The following FAIM2 variants were observed in gnomAD, a reference collection of about 807,000 sequenced individuals.
FAIM2 encodes the protein Fas apoptotic inhibitory molecule 2.
A neutral mutation model predicts 47.4 loss-of-function variants in FAIM2; 27 were observed. The observed-to-expected ratio is 0.57, with a 90% CI of 0.42 to 0.78. The LOEUF (loss-of-function observed/expected upper bound fraction) is 0.78, where lower values mean the gene tolerates loss of function less well. Ranked by LOEUF, FAIM2 falls within the 30% of genes least tolerant of loss-of-function variation. The pLI is 0.00. For synonymous variants in FAIM2, 156 were observed against 159.3 expected, an observed-to-expected ratio of 0.98 and a Z score of 0.16; for missense variants, 311 against 389.4, an observed-to-expected ratio of 0.80 and a Z score of 1.69.
At position 49,901,155 on chromosome 12, in the gene FAIM2, G is replaced by T; in HGVS notation, c.186C>A (p.His62Gln). The T allele has an allele frequency of 6.2e-7, 1 of 1,605,576 alleles. No individual in the cohort carries two copies. Among genetic ancestry groups the T allele is most frequent in the Non-Finnish European group, 8.5e-7 (1 of 1,176,706 alleles). ...FPPAPTAVPL[H>Q]PSWAYVDPSS... is the part of the protein sequence containing the mutation. Reference sequence around the variant, plus strand: ...TGGGGTCCACATAGGCCCAGCTAGGGTGGAGAGGCACCGCTGTGGGGGCTG... The same window carrying T: ...TGGGGTCCACATAGGCCCAGCTAGGTTGGAGAGGCACCGCTGTGGGGGCTG... The change falls in exon 2 of 12, where the codon CAC (histidine) becomes CAA (glutamine). Residue 62 changes from histidine to glutamine, a missense_variant. Transcript: ENST00000320634.
intron 8 of FAIM2, among the ~76,000 whole-genome samples, 184 bp from the exon 9 acceptor site, chr12:49,889,752 C>T (rs77687604): frequency 6.6e-6 from 1 of 152,162 alleles, no homozygotes; most frequent in Non-Finnish European, 1.5e-5. Flanking sequence ...CCCCTCCCAA[C>T]AGGCTTAGAC....
intron 11 of FAIM2, among the ~76,000 whole-genome samples, chr12:49,881,589 C>T (rs912683752): frequency 1.3e-5 from 2 of 152,108 alleles, no homozygotes; most frequent in African/African-American, 4.8e-5. Flanking sequence ...TGCCCCATCA[C>T]GCCAGCCCCG....
chr12:49,880,374 ATGTGTGTCTATGTGTGCATGTGAG>A lies in FAIM2; in HGVS notation c.801+6988_801+7011del, dbSNP rs1478512410. Among the ~76,000 whole-genome samples the A allele has an allele frequency of 1.6e-4, 23 of 144,284 alleles. No homozygotes were observed. The East Asian group carries it at 4.8e-3, about 30-fold the overall frequency. 94.7% of individuals were successfully genotyped at this position (144,284 alleles called of 152,430 possible). ...TGCATGTATGTATATGTGCATGTGT[ATGTGTGTCTATGTGTGCATGTGAG>A]TGTATGTATGTGCATGTGTATATGT... On this transcript the variant is annotated intron_variant, in intron 11 of 11. Transcript: ENST00000320634.
intron 10 of FAIM2, 106 bp downstream of exon 10, chr12:49,889,001 G>A: frequency 7.5e-6 from 6 of 802,452 alleles, no homozygotes; most frequent in Non-Finnish European, 1.3e-5. Context: ...CAGGCTGTGG[G>A]GCCTTGGCTC....
chr12:49,901,558 A>G, intron 1 of FAIM2: 1 of 428,904 alleles, frequency 2.3e-6, no homozygotes, highest in Non-Finnish European at 4.1e-6. Context: ...CAGAGGAAAG[A>G]GAAAATTCTT....
intron 11 of FAIM2, among the ~76,000 whole-genome samples, chr12:49,881,990 C>T (rs376246594): frequency 3.9e-5 from 6 of 152,336 alleles, no homozygotes; most frequent in African/African-American, 1.2e-4. Flanking sequence ...ATCGGATTCT[C>T]GAAGCTGGAT....
At chr12:49,890,247 G>C (rs561834005) in intron 7 of FAIM2, 93 bp from the exon 8 acceptor site, 1 of 1,150,016 alleles carries the variant, frequency 8.7e-7, no homozygotes, top group African/African-American at 1.5e-5. Flanking sequence ...ACCCCTTGCA[G>C]GTACCCCTCA....
chr12:49,878,331 T>A (rs1946757871), intron 11 of FAIM2, among the ~76,000 whole-genome samples: 1 of 136,564 alleles, frequency 7.3e-6, no homozygotes. Flanking sequence ...TGTATTTGTG[T>A]GCATGTGAGT....
chr12:49,885,089 C>T (rs576860195), intron 11 of FAIM2, among the ~76,000 whole-genome samples: 2 of 152,236 alleles, frequency 1.3e-5, no homozygotes, highest in Admixed American at 1.3e-4. Flanking sequence ...GGTGGAGATG[C>T]GGGGAGGTAA....
chr12:49,870,432 A>G lies in FAIM2; in HGVS notation c.*72T>C, dbSNP rs1460595184. The G allele has an allele frequency of 1.4e-6, 2 of 1,405,314 alleles. No individual in the cohort carries two copies. Among genetic ancestry groups the G allele is most frequent in the Non-Finnish European group, 2.0e-6 (2 of 1,005,524 alleles). The allele number at this position is 1,405,314 out of a possible 1,614,324, so 87.1% of individuals were successfully genotyped here. On this transcript the variant is annotated 3_prime_UTR_variant, in exon 12 of 12. Coordinates refer to ENST00000320634, the MANE Select transcript of FAIM2 (RefSeq NM_012306.4). ...CAGCTAGTTTTATATCTGGTCTCGC[A>G]GGAGCGCAGGGGAGGGACAGGGAAC...
intron 3 of FAIM2, 124 bp from the exon 4 acceptor site, chr12:49,897,707 T>C (rs1946948253): frequency 2.8e-6 from 2 of 726,970 alleles, no homozygotes; most frequent in Non-Finnish European, 4.7e-6. Context: ...TTGGGGGTCA[T>C]TGGAGTGAAC....
chr12:49,903,159 T>C (rs1592797114), intron 1 of FAIM2, among the ~76,000 whole-genome samples: 1 of 152,168 alleles, frequency 6.6e-6, no homozygotes, highest in East Asian at 1.9e-4. Context: ...TCCCCTACAA[T>C]TCAGGCCTAA....
At chr12:49,883,300 C>T (rs1012452683) in intron 11 of FAIM2, among the ~76,000 whole-genome samples, 7 of 151,860 alleles carry the variant, frequency 4.6e-5, no homozygotes, top group Admixed American at 6.6e-5. Context: ...AGGCTGGAGG[C>T]GACGGGGGCT....
chr12:49,891,998 G>A (rs1485591878), intron 5 of FAIM2, among the ~76,000 whole-genome samples: 1 of 152,058 alleles, frequency 6.6e-6, no homozygotes. Flanking sequence ...AACCCCCAAT[G>A]GGCCTTCAAC....
At position 49,900,123 on chromosome 12, in the gene FAIM2, G is replaced by T. The variant is rs994393223; in HGVS notation, c.211+1007C>A. ...GGGAAAGTGGGCCGGCGGGTGTGTA[G>T]GGAAGGGAGGAGGACACCCACAAAC... On this transcript the variant is annotated intron_variant, in intron 2 of 11. Coordinates refer to ENST00000320634, the MANE Select transcript of FAIM2 (RefSeq NM_012306.4). 18 of 1,049,754 alleles carry T rather than the reference G, an allele frequency of 1.7e-5. No homozygotes were observed. In the African/African-American group the frequency reaches 2.5e-4, roughly 14 times the overall value. 65.0% of individuals were successfully genotyped at this position (1,049,754 alleles called of 1,614,324 possible).
chr12:49,893,522 G>A (rs548137474), intron 5 of FAIM2, among the ~76,000 whole-genome samples: 13 of 152,252 alleles, frequency 8.5e-5, no homozygotes, highest in South Asian at 4.1e-4. Context: ...CATCTGACCC[G>A]GAGCTTGGTG....
chr12:49,887,359 G>C (rs1295360382), intron 11 of FAIM2, 27 bp downstream of exon 11: 2 of 1,598,526 alleles, frequency 1.3e-6, no homozygotes, highest in African/African-American at 2.7e-5. Context: ...TGGGAAGGAG[G>C]CTGCCAAGGA....
chr12:49,884,843 G>A (rs536766173), intron 11 of FAIM2, among the ~76,000 whole-genome samples: 1 of 152,304 alleles, frequency 6.6e-6, no homozygotes, highest in South Asian at 2.1e-4. Flanking sequence ...GCATGGTGGC[G>A]GGCACCTGTA....
At chr12:49,888,577 G>A (rs1022489970) in intron 10 of FAIM2, among the ~76,000 whole-genome samples, 4 of 152,168 alleles carry the variant, frequency 2.6e-5, no homozygotes, top group African/African-American at 7.2e-5. Flanking sequence ...GGATTCCCCA[G>A]GGCAGGCTGG....
Sources: gnomAD v4.1 joint callset for allele counts (sites outside exome capture counted in the v4.1 genomes callset) on GRCh38, gnomAD v4.1.1 for gene constraint, MANE v1.5 for transcripts, NCBI Gene and HGNC (gene_info 2026-07-23, HGNC 2026-07-21) for gene names.